Variants in PTPRG observed in about 807,000 individuals in gnomAD.
PTPRG encodes the protein protein tyrosine phosphatase receptor type G, also known as receptor-type tyrosine-protein phosphatase gamma.
Under a neutral mutation model 165.3 loss-of-function variants are expected in PTPRG, and 102 were observed. The observed-to-expected ratio is 0.62, with a 90% CI of 0.53 to 0.73. The LOEUF (loss-of-function observed/expected upper bound fraction) is 0.73, where lower values mean the gene tolerates loss of function less well. Among genes scored for constraint, PTPRG ranks in the 30% least tolerant of loss-of-function variants. The pLI, the probability that PTPRG is intolerant of heterozygous loss-of-function variation, is 0.00. For synonymous variants in PTPRG, 675 were observed against 669.5 expected, an observed-to-expected ratio of 1.01 and a Z score of -0.13; for missense variants, 1,866 against 1,861.4, an observed-to-expected ratio of 1.00 and a Z score of -0.05.
chr3:61,705,758 A>T (rs556952913), intron 1 of PTPRG, among the ~76,000 whole-genome samples: 1 of 152,336 alleles, frequency 6.6e-6, no homozygotes, highest in African/African-American at 2.4e-5. Flanking sequence ...TGACTGAATT[A>T]ATGAACAGTG....
intron 2 of PTPRG, among the ~76,000 whole-genome samples, chr3:61,852,316 G>A (rs1212042061): frequency 6.6e-6 from 1 of 152,092 alleles, no homozygotes; most frequent in Non-Finnish European, 1.5e-5. Flanking sequence ...TTGTAATAAG[G>A]ATTATTTTGA....
At chr3:61,777,528 A>G (rs1164216379) in intron 2 of PTPRG, among the ~76,000 whole-genome samples, 1 of 152,196 alleles carries the variant, frequency 6.6e-6, no homozygotes, top group Admixed American at 6.5e-5. Flanking sequence ...CTGTCACGGT[A>G]CTGCAGAGAG....
At chr3:61,705,657 A>C (rs2031210292) in intron 1 of PTPRG, among the ~76,000 whole-genome samples, 1 of 152,152 alleles carries the variant, frequency 6.6e-6, no homozygotes, top group Non-Finnish European at 1.5e-5. Context: ...ATTCTTGGTT[A>C]TTTTACCAGG....
At chr3:62,027,282 G>T (rs1190599802) in intron 4 of PTPRG, among the ~76,000 whole-genome samples, 4 of 152,172 alleles carry the variant, frequency 2.6e-5, no homozygotes, top group South Asian at 2.1e-4. Context: ...ATGAGGGCAA[G>T]AAAGTCTTTG....
chr3:61,789,803 C>T (rs893895375), intron 2 of PTPRG, among the ~76,000 whole-genome samples: 3 of 152,070 alleles, frequency 2.0e-5, no homozygotes, highest in East Asian at 3.9e-4. Flanking sequence ...CTTTGTTTCA[C>T]GAGTTGATTG....
intron 4 of PTPRG, among the ~76,000 whole-genome samples, chr3:62,054,924 T>G (rs1327989766): frequency 6.6e-6 from 1 of 152,206 alleles, no homozygotes; most frequent in African/African-American, 2.4e-5. Context: ...TAGACACCAC[T>G]TCCATGTTTC....
intron 1 of PTPRG, among the ~76,000 whole-genome samples, chr3:61,569,557 G>A (rs917675860): frequency 2.0e-5 from 3 of 152,164 alleles, no homozygotes; most frequent in Non-Finnish European, 2.9e-5. Flanking sequence ...GACCTCAAGT[G>A]ATCCTCCTAC....
chr3:61,983,694 A>C (rs576306749), intron 2 of PTPRG, among the ~76,000 whole-genome samples: 1 of 152,284 alleles, frequency 6.6e-6, no homozygotes, highest in East Asian at 1.9e-4. Flanking sequence ...CCTTGCTTTT[A>C]GACAAAAGTA....
intron 2 of PTPRG, among the ~76,000 whole-genome samples, chr3:61,788,751 A>T (rs563545500): frequency 1.3e-5 from 2 of 152,228 alleles, no homozygotes; most frequent in African/African-American, 4.8e-5. Context: ...TTTTCGTTGT[A>T]GCTGTTCAGC....
At chr3:62,199,920 C>G (rs1290696808) in intron 10 of PTPRG, among the ~76,000 whole-genome samples, 2 of 152,128 alleles carry the variant, frequency 1.3e-5, no homozygotes, top group East Asian at 1.9e-4. Context: ...TATTCACCCT[C>G]AAAAAGGAAG....
chr3:61,920,419 C>T (rs55904264), intron 2 of PTPRG, among the ~76,000 whole-genome samples: 9,445 of 152,122 alleles, frequency 0.062, 366 homozygotes, highest in African/African-American at 0.1. Flanking sequence ...ATTTTTGAGA[C>T]GGAGTCTTGC....
chr3:62,134,425 C>T (rs1424914443), intron 6 of PTPRG, among the ~76,000 whole-genome samples: 1 of 152,232 alleles, frequency 6.6e-6, no homozygotes, highest in East Asian at 1.9e-4. Context: ...CCTTCCTCTC[C>T]CGCCAGTCTG....
At chr3:62,009,851 AT>A (rs2041376900) in intron 4 of PTPRG, among the ~76,000 whole-genome samples, 1 of 152,144 alleles carries the variant, frequency 6.6e-6, no homozygotes, top group African/African-American at 2.4e-5. Flanking sequence ...CCTAGACTAC[AT>A]GTCAGGTTGG....
At chr3:61,926,186 G>A (rs915482890) in intron 2 of PTPRG, among the ~76,000 whole-genome samples, 11 of 152,126 alleles carry the variant, frequency 7.2e-5, no homozygotes, top group African/African-American at 2.2e-4. Flanking sequence ...TGAGTGGTTG[G>A]TAGCTGATAT....
chr3:61,622,250 T>C (rs1559528037), intron 1 of PTPRG, among the ~76,000 whole-genome samples: 1 of 152,022 alleles, frequency 6.6e-6, no homozygotes, highest in Non-Finnish European at 1.5e-5. Context: ...TAAAAAGACA[T>C]TTTTGTGTTT....
At chr3:62,155,778 G>A (rs915344892) in intron 6 of PTPRG, among the ~76,000 whole-genome samples, 1 of 152,126 alleles carries the variant, frequency 6.6e-6, no homozygotes, top group South Asian at 2.1e-4. Flanking sequence ...CCAAATTTCT[G>A]TACTAGTTGT....
At chr3:62,137,335 TA>T (rs1202337431) in intron 6 of PTPRG, among the ~76,000 whole-genome samples, 3 of 151,292 alleles carry the variant, frequency 2.0e-5, no homozygotes, top group East Asian at 1.9e-4. Context: ...ATCCATTTTT[TA>T]AAAAAAAAAT....
intron 8 of PTPRG, among the ~76,000 whole-genome samples, chr3:62,189,897 T>C (rs1189212181): frequency 6.6e-6 from 1 of 152,178 alleles, no homozygotes; most frequent in Non-Finnish European, 1.5e-5. Flanking sequence ...TGCCTGTCTT[T>C]TCTGTGACTT....
intron 9 of PTPRG, 87 bp from the exon 10 acceptor site, chr3:62,194,975 G>A: frequency 7.9e-7 from 1 of 1,268,688 alleles, no homozygotes; most frequent in Admixed American, 1.7e-5. Flanking sequence ...GTCAGGCATT[G>A]TCACGGCACT....
Sources: gnomAD v4.1 joint callset for allele counts (sites outside exome capture counted in the v4.1 genomes callset) on GRCh38, gnomAD v4.1.1 for gene constraint, MANE v1.5 for transcripts, NCBI Gene and HGNC (gene_info 2026-07-23, HGNC 2026-07-21) for gene names.